Variants in PPM1H observed in about 807,000 individuals in gnomAD.
The protein encoded by PPM1H is protein phosphatase, Mg2+/Mn2+ dependent 1H.
Under a neutral mutation model 54.9 loss-of-function variants are expected in PPM1H, and 27 were observed. That is an observed-to-expected ratio of 0.49 (90% CI 0.36 to 0.68). The LOEUF is 0.68. PPM1H is among the 30% of genes least tolerant of loss of function. PPM1H has a pLI of 0.00. For missense variants in PPM1H, 596 were observed against 667.8 expected, an observed-to-expected ratio of 0.89 and a Z score of 1.19; for synonymous variants, 305 against 270.8, an observed-to-expected ratio of 1.13 and a Z score of -1.24.
intron 6 of PPM1H, among the ~76,000 whole-genome samples, chr12:62,695,056 T>C (rs960282333): frequency 5.9e-5 from 9 of 152,178 alleles, no homozygotes; most frequent in Non-Finnish European, 1.2e-4. Context: ...AAAATCCTAA[T>C]TTATTAAATG....
chr12:62,922,581 G>A (rs1051789137), intron 1 of PPM1H, among the ~76,000 whole-genome samples: 2 of 152,164 alleles, frequency 1.3e-5, no homozygotes, highest in Non-Finnish European at 2.9e-5. Flanking sequence ...AAATATGAGA[G>A]CATAAAGTCC....
At chr12:62,734,310 C>T (rs1329061228) in intron 5 of PPM1H, among the ~76,000 whole-genome samples, 1 of 152,056 alleles carries the variant, frequency 6.6e-6, no homozygotes, top group Non-Finnish European at 1.5e-5. Flanking sequence ...TTTTTTGCTA[C>T]AGCAGCCCAA....
intron 8 of PPM1H, among the ~76,000 whole-genome samples, chr12:62,688,414 G>A (rs996226397): frequency 2.9e-5 from 4 of 138,644 alleles, no homozygotes; most frequent in African/African-American, 1.1e-4. Flanking sequence ...CTCTTAGGCT[G>A]TTGCAAAAGT....
At chr12:62,658,056 C>CAAA (rs34769800) in intron 9 of PPM1H, among the ~76,000 whole-genome samples, 38,743 of 106,938 alleles carry the variant, frequency 0.36, 8,064 homozygotes, top group South Asian at 0.51. Context: ...ATCCAGGTTA[C>CAAA]AAAAAAAAAA....
chr12:62,707,607 A>C (rs892047836), intron 6 of PPM1H, among the ~76,000 whole-genome samples: 3 of 152,250 alleles, frequency 2.0e-5, no homozygotes, highest in African/African-American at 7.2e-5. Context: ...AGAGATTCTA[A>C]TTCAGCAGAT....
intron 9 of PPM1H, 137 bp downstream of exon 9, chr12:62,667,041 C>T: frequency 2.1e-6 from 2 of 956,634 alleles, no homozygotes; most frequent in South Asian, 2.0e-5. Context: ...AAAGGTAATC[C>T]CTTCTGCAGT....
rs553919195 is a variant in PPM1H at position 62,896,804 on chromosome 12, T to C, written c.245+37688A>G. Among the ~76,000 whole-genome samples, 24 of 152,256 alleles carry C rather than the reference T, an allele frequency of 1.6e-4. No individual in the cohort carries two copies. In the South Asian group the frequency reaches 1.9e-3, roughly 12 times the overall value. ...TGCTATAAAGACACATGCTCACATA[T>C]GTTTATTGCGGCACTATTCACAATA... On this transcript the variant is annotated intron_variant, in intron 1 of 9. Coordinates refer to ENST00000228705, the MANE Select transcript of PPM1H (RefSeq NM_020700.2).
chr12:62,801,949 C>T lies in PPM1H; in HGVS notation c.623G>A (p.Arg208Gln), dbSNP rs765426741. ...NTPANSRTLT[R>Q]AASLRGGVGA... ...CACCCCTCCGCGCAGGGAGGCTGCC[C>T]GGGTCAGAGTCCGGCTGTTGGCGGG... Residue 208 changes from arginine (R) to glutamine (Q), a missense_variant, in exon 3 of 10, where the codon CGG (arginine) becomes CAG (glutamine). This residue lies in a region of PPM1H where 382 missense variants were observed against 387.1 expected (regional missense o/e 0.99). Coordinates refer to ENST00000228705, the MANE Select transcript of PPM1H (RefSeq NM_020700.2). 8.1e-6 allele frequency: 13 copies of T among 1,612,488 alleles called. No individual in the cohort carries two copies. The highest frequency in any genetic ancestry group is 5.5e-5 in the South Asian group (5 of 91,010).
At position 62,774,538 on chromosome 12, in the gene PPM1H, C is replaced by T. The variant is rs553301574; in HGVS notation, c.869+13688G>A. Among the ~76,000 whole-genome samples the T allele has an allele frequency of 5.9e-5, 9 of 152,220 alleles. No homozygotes were observed. The South Asian group carries it at 1.9e-3, about 32-fold the overall frequency. On this transcript the variant is annotated intron_variant, in intron 4 of 9. Coordinates refer to ENST00000228705, the MANE Select transcript of PPM1H (RefSeq NM_020700.2). ...TAAATTTTTGGTAGAGATGGGATCT[C>T]ATCATGTTGCCCAGACTGATTTCAA... is the stretch of plus-strand genomic sequence containing the variant.
chr12:62,744,753 G>A (rs916085675), intron 4 of PPM1H, among the ~76,000 whole-genome samples: 2 of 152,142 alleles, frequency 1.3e-5, no homozygotes, highest in Non-Finnish European at 1.5e-5. Flanking sequence ...CACAGTCCCT[G>A]CACTGCAGCC....
intron 8 of PPM1H, among the ~76,000 whole-genome samples, chr12:62,674,449 C>T (rs1274423403): frequency 3.3e-5 from 5 of 152,142 alleles, no homozygotes; most frequent in Non-Finnish European, 5.9e-5. Flanking sequence ...ACACTTATGA[C>T]AAGAAGAAAA....
At chr12:62,766,315 T>C (rs1304907829) in intron 4 of PPM1H, among the ~76,000 whole-genome samples, 1 of 152,158 alleles carries the variant, frequency 6.6e-6, no homozygotes, top group Admixed American at 6.5e-5. Flanking sequence ...TTATCCATAC[T>C]TAACCTTTAC....
At chr12:62,725,520 T>C (rs1340130807) in intron 5 of PPM1H, among the ~76,000 whole-genome samples, 2 of 152,228 alleles carry the variant, frequency 1.3e-5, no homozygotes, top group East Asian at 1.9e-4. Context: ...ACCCACTTTA[T>C]CCAATTATAT....
chr12:62,695,659 AG>A (rs1294047179), intron 6 of PPM1H, among the ~76,000 whole-genome samples: 1 of 152,180 alleles, frequency 6.6e-6, no homozygotes, highest in Non-Finnish European at 1.5e-5. Flanking sequence ...AGCTATTATT[AG>A]AAGAATTTGG....
chr12:62,815,233 G>GA (rs964265192), intron 2 of PPM1H, among the ~76,000 whole-genome samples: 9 of 151,918 alleles, frequency 5.9e-5, no homozygotes, highest in East Asian at 3.9e-4. Flanking sequence ...TGCAGTGGAG[G>GA]AAAAAAATCC....
At chr12:62,692,067 A>G (rs1291787566) in intron 7 of PPM1H, among the ~76,000 whole-genome samples, 2 of 152,212 alleles carry the variant, frequency 1.3e-5, no homozygotes, top group African/African-American at 4.8e-5. Flanking sequence ...CAGTCTTTAA[A>G]AGCATCTGAA....
chr12:62,799,320 T>C (rs2076752758), intron 3 of PPM1H, among the ~76,000 whole-genome samples: 1 of 152,184 alleles, frequency 6.6e-6, no homozygotes. Context: ...GACATTGGCC[T>C]CTAGTGGACA....
At chr12:62,793,019 T>C (rs1027972617) in intron 3 of PPM1H, among the ~76,000 whole-genome samples, 15 of 152,314 alleles carry the variant, frequency 9.8e-5, no homozygotes, top group African/African-American at 2.9e-4. Flanking sequence ...GTTTTTGGTA[T>C]TTTTACAAAA....
intron 1 of PPM1H, among the ~76,000 whole-genome samples, chr12:62,912,409 TCAGG>T (rs1412127204): frequency 6.6e-6 from 1 of 152,158 alleles, no homozygotes; most frequent in Non-Finnish European, 1.5e-5. Context: ...GTCTCTTCTC[TCAGG>T]AAGGACAGGG....
Sources: allele counts gnomAD v4.1 joint callset (sites outside exome capture counted in the v4.1 genomes callset), GRCh38; gene constraint gnomAD v4.1.1; regional missense constraint gnomAD v4.1.1; transcripts MANE v1.5; gene names NCBI Gene and HGNC (gene_info 2026-07-23, HGNC 2026-07-21).